The following ALKBH3 variants were observed in gnomAD, a reference collection of about 807,000 sequenced individuals.
ALKBH3 encodes alpha-ketoglutarate-dependent dioxygenase alkB homolog 3.
Under a neutral mutation model 43.9 loss-of-function variants are expected in ALKBH3, and 51 were observed. The observed-to-expected ratio is 1.16, with a 90% CI of 0.93 to 1.47. The LOEUF (loss-of-function observed/expected upper bound fraction) is 1.47, where lower values mean the gene tolerates loss of function less well. ALKBH3 is among the 40% of genes most tolerant of loss of function. ALKBH3 has a pLI of 0.00. For missense variants in ALKBH3, 361 were observed against 351.9 expected (o/e 1.03, Z -0.21); for synonymous variants, 102 against 115.2 (o/e 0.89, Z 0.73).
intron 6 of ALKBH3, among the ~76,000 whole-genome samples, chr11:43,890,366 G>A (rs532600713): frequency 2.8e-4 from 42 of 152,226 alleles, no homozygotes; most frequent in Admixed American, 1.1e-3. Context: ...GAATCTCTGC[G>A]GGCATCCACA....
intron 7 of ALKBH3, among the ~76,000 whole-genome samples, chr11:43,896,827 T>C (rs1951822375): frequency 6.6e-6 from 1 of 152,254 alleles, no homozygotes; most frequent in South Asian, 2.1e-4. Context: ...TGTAACTTAG[T>C]GAACTAATAT....
Position 43,898,808 on chromosome 11 carries a change from T to G in ALKBH3, c.460-2708T>G. 11 of 765,376 alleles carry G rather than the reference T, an allele frequency of 1.4e-5. No individual in the cohort carries two copies. The South Asian group carries it at 1.5e-4, about 10-fold the overall frequency. 47.4% of individuals were successfully genotyped at this position (765,376 alleles called of 1,614,324 possible). A position where few individuals can be genotyped will look rare whatever the true frequency, so the allele number is the denominator to read the frequency against. ...ATTGATGACAACACCAGAAGGAAAT[T>G]CCTCATTTATGCAGGAAATGACTAC... On this transcript the variant is annotated intron_variant, in intron 7 of 9. Coordinates refer to ENST00000302708, the MANE Select transcript of ALKBH3 (RefSeq NM_139178.4).
intron 8 of ALKBH3, among the ~76,000 whole-genome samples, chr11:43,914,009 C>T (rs1951962082): frequency 6.6e-6 from 1 of 152,220 alleles, no homozygotes; most frequent in African/African-American, 2.4e-5. Flanking sequence ...CACCACCTTT[C>T]TGCAGGCCCC....
chr11:43,886,689 CA>C, intron 5 of ALKBH3, 36 bp downstream of exon 5: 1 of 1,595,236 alleles, frequency 6.3e-7, no homozygotes, highest in Non-Finnish European at 8.6e-7. Context: ...CCGTAATTAT[CA>C]CTGAGTTATA....
chr11:43,889,683 T>G (rs1229815778), intron 5 of ALKBH3, 42 bp from the exon 6 acceptor site: 2 of 1,552,866 alleles, frequency 1.3e-6, no homozygotes, highest in East Asian at 2.2e-5. Context: ...CTAACTTATC[T>G]TTTCCATGTT....
At position 43,920,044 on chromosome 11, in the gene ALKBH3, C is replaced by A; in HGVS notation, c.*34C>A. ...CTTTGAGAGAGAAGCTTCACTGAAA[C>A]GGAGCAAACCTTCCACTGAGAAGCC... On this transcript the variant is annotated 3_prime_UTR_variant, in exon 10 of 10. Transcript: ENST00000302708. 6.3e-7 allele frequency: 1 copy of A among 1,575,088 alleles called. No individual in the cohort carries two copies. The highest frequency in any genetic ancestry group is 1.7e-4 in the Middle Eastern group (1 of 5,956).
chr11:43,908,211 G>A (rs903730113), intron 8 of ALKBH3, among the ~76,000 whole-genome samples: 1 of 152,230 alleles, frequency 6.6e-6, no homozygotes, highest in Admixed American at 6.5e-5. Context: ...ATTTCAATTA[G>A]GATGAGGAAG....
At chr11:43,899,501 C>T (rs1418255982) in intron 7 of ALKBH3, 1 of 703,826 alleles carries the variant, frequency 1.4e-6, no homozygotes, top group Non-Finnish European at 2.6e-6. Flanking sequence ...TGGCTTCTCC[C>T]AGTTGAGTGC....
rs375767934 is a variant in ALKBH3, at chr11:43,894,829, G to T, written c.459+2700G>T. ...TTGGAATTTATTCTCTTGAACAAAG[G>T]TTTATTTAATATTTTTGTTTTATGA... On this transcript the variant is annotated intron_variant, in intron 7 of 9. Transcript: ENST00000302708. Among the ~76,000 whole-genome samples the T allele has an allele frequency of 7.2e-5, 11 of 152,250 alleles. No homozygotes were observed. In the East Asian group the frequency reaches 1.2e-3, roughly 16 times the overall value.
chr11:43,883,989 C>T lies in ALKBH3; in HGVS notation c.190C>T (p.Arg64Cys), dbSNP rs769039712. The change falls in exon 4 of 10, where the codon CGT becomes TGT. Residue 64 changes from arginine (R) to cysteine (C), a missense_variant. Coordinates refer to ENST00000302708, the MANE Select transcript of ALKBH3 (RefSeq NM_139178.4). Reference sequence around the variant, plus strand: ...TCCGCCTATTTCCTTGCAGGTAGTACGTAGAGCTCCTGAGCCACGAGTGAT... The same window carrying T: ...TCCGCCTATTTCCTTGCAGGTAGTATGTAGAGCTCCTGAGCCACGAGTGAT... ...FVFKEPQQVV[R>C]RAPEPRVIDR... 10 of 1,613,808 alleles carry T rather than the reference C, an allele frequency of 6.2e-6. No individual in the cohort carries two copies. In the East Asian group the frequency reaches 6.7e-5, roughly 11 times the overall value.
In ALKBH3 at chr11:43,912,367, C is replaced by T. The variant is rs540247351; in HGVS notation, c.670-6671C>T. The stretch of plus-strand genomic sequence containing the variant: ...TACTAAGTTATCTCTTTGCTTTCCC[C>T]GAGGCTTGCTCTCCAACTTCTTAAC... On this transcript the variant is annotated intron_variant, in intron 8 of 9. Transcript: ENST00000302708. 2.6e-5 allele frequency: 4 copies of T among 152,332 alleles called. No individual in the cohort carries two copies. In the South Asian group the frequency reaches 8.3e-4, roughly 32 times the overall value. The allele number at this position is 152,332 out of a possible 1,614,324, so 9.4% of individuals were successfully genotyped here. A position where few individuals can be genotyped will look rare whatever the true frequency, so the allele number is the denominator to read the frequency against.
chr11:43,910,985 A>G (rs1160958845), intron 8 of ALKBH3, among the ~76,000 whole-genome samples: 1 of 152,208 alleles, frequency 6.6e-6, no homozygotes, highest in South Asian at 2.1e-4. Context: ...CTGGGGATAT[A>G]GCAGTGAACA....
chr11:43,909,715 C>G (rs1951922749), intron 8 of ALKBH3: 1 of 152,178 alleles, frequency 6.6e-6, no homozygotes, highest in Non-Finnish European at 1.5e-5. Context: ...GCACCTCCAC[C>G]CTCTGTCTGA....
intron 7 of ALKBH3, among the ~76,000 whole-genome samples, chr11:43,900,925 G>A (rs1951859377): frequency 6.6e-6 from 1 of 152,196 alleles, no homozygotes; most frequent in African/African-American, 2.4e-5. Context: ...AGCATATCAT[G>A]ATTCTCATTC....
intron 6 of ALKBH3, among the ~76,000 whole-genome samples, chr11:43,890,043 A>AG (rs1168019302): frequency 1.3e-5 from 2 of 152,196 alleles, no homozygotes; most frequent in African/African-American, 4.8e-5. Context: ...AGAACATGGC[A>AG]GGAGGATAGA....
chr11:43,918,847 A>T, intron 8 of ALKBH3, 191 bp from the exon 9 acceptor site: 1 of 538,720 alleles, frequency 1.9e-6, no homozygotes, highest in Admixed American at 3.4e-5. Flanking sequence ...CATTTTACAA[A>T]TGAGTAAGTC....
chr11:43,886,339 T>G (rs1053961886), intron 4 of ALKBH3, among the ~76,000 whole-genome samples: 2 of 152,174 alleles, frequency 1.3e-5, no homozygotes, highest in African/African-American at 2.4e-5. Context: ...GCCTCAATTA[T>G]GGGTAAAATA....
At chr11:43,907,132 A>G (rs914977326) in intron 8 of ALKBH3, among the ~76,000 whole-genome samples, 1 of 152,120 alleles carries the variant, frequency 6.6e-6, no homozygotes, top group Non-Finnish European at 1.5e-5. Flanking sequence ...TGGATCATAA[A>G]TGGTAATTGG....
At chr11:43,914,814 AAC>A (rs1376602163) in intron 8 of ALKBH3, among the ~76,000 whole-genome samples, 2 of 152,214 alleles carry the variant, frequency 1.3e-5, no homozygotes, top group Non-Finnish European at 2.9e-5. Flanking sequence ...TCAATAAGAA[AAC>A]AGTGTTAACA....
Sources: gnomAD v4.1 joint callset for allele counts (sites outside exome capture counted in the v4.1 genomes callset) on GRCh38, gnomAD v4.1.1 for gene constraint, MANE v1.5 for transcripts, NCBI Gene and HGNC (gene_info 2026-07-23, HGNC 2026-07-21) for gene names.